LTBP1: variants seen among roughly 807,000 people sequenced by gnomAD.
LTBP1 encodes latent transforming growth factor beta binding protein 1.
Under a neutral mutation model 207.6 loss-of-function variants are expected in LTBP1, and 129 were observed. The observed-to-expected ratio is 0.62, with a 90% CI of 0.54 to 0.72. The LOEUF is 0.72. Ranked by LOEUF, LTBP1 falls within the 30% of genes least tolerant of loss-of-function variation. The pLI, the probability that LTBP1 is intolerant of heterozygous loss-of-function variation, is 0.00. For synonymous variants in LTBP1, 963 were observed against 833.7 expected, an observed-to-expected ratio of 1.16 and a Z score of -2.67; for missense variants, 2,281 against 2,217.2, an observed-to-expected ratio of 1.03 and a Z score of -0.58.
intron 7 of LTBP1, among the ~76,000 whole-genome samples, chr2:33,191,141 C>G (rs2087824424): frequency 6.6e-6 from 1 of 152,048 alleles, no homozygotes; most frequent in Non-Finnish European, 1.5e-5. Flanking sequence ...ACCTTTCTCC[C>G]CGTTTCCAAG....
chr2:33,281,425 T>C (rs2148576901), intron 19 of LTBP1, among the ~76,000 whole-genome samples: 1 of 152,288 alleles, frequency 6.6e-6, no homozygotes, highest in East Asian at 1.9e-4. Context: ...AAGGCCAGTG[T>C]AGCTGAAGGC....
chr2:33,342,559 C>T (rs1015065936), intron 24 of LTBP1, among the ~76,000 whole-genome samples: 1 of 152,184 alleles, frequency 6.6e-6, no homozygotes, highest in African/African-American at 2.4e-5. Context: ...TAATACTGGG[C>T]GTGGCACTTG....
chr2:33,280,113 G>A lies in LTBP1; in HGVS notation c.3067G>A (p.Val1023Ile), dbSNP rs150228403. ...CVNSPGSYQC[V>I]PCTEGFRGWN... ...GAATTCTCCTGGATCTTACCAGTGC[G>A]TTCCCTGCACAGAAGGATTCCGAGG... The change falls in exon 19 of 34, where the codon GTT (valine) becomes ATT (isoleucine). Residue 1023 changes from valine to isoleucine, a missense_variant. Val to Ile is a conservative substitution (Grantham distance 29). This residue lies in a region of LTBP1 where 1,671 missense variants were observed against 1,634.8 expected (regional missense o/e 1.02). Transcript: ENST00000404816. The A allele has an allele frequency of 3.5e-4, 565 of 1,613,978 alleles. 1 individual carries two copies. The highest frequency in any genetic ancestry group is 3.3e-4 in the East Asian group (15 of 44,874).
intron 3 of LTBP1, among the ~76,000 whole-genome samples, chr2:33,053,771 C>G (rs112330139): frequency 0.097 from 14,776 of 152,264 alleles, 961 homozygotes; most frequent in Non-Finnish European, 0.14. Flanking sequence ...GTAGGCAAAG[C>G]AGGGCCTTCG....
In LTBP1 at chr2:33,082,431, A is replaced by AATTTTTTTTTTTTTTTTT. The variant is rs2078468929; in HGVS notation, c.864-28151_864-28150insATTTTTTTTTTTTTTTTT. ...GTTAACCGTGGCTAAAGTATGACTC[A>AATTTTTTTTTTTTTTTTT]CTTTTTTTTTTTTTTTTTTTTTTTT... On this transcript the variant is annotated intron_variant, in intron 3 of 33. Coordinates refer to ENST00000404816, the MANE Select transcript of LTBP1 (RefSeq NM_206943.4). Among the ~76,000 whole-genome samples the AATTTTTTTTTTTTTTTTT allele has an allele frequency of 7.8e-5, 9 of 116,044 alleles. 4 individuals carry two copies. The allele number at this position is 116,044 out of a possible 152,430, so 76.1% of individuals were successfully genotyped here.
chr2:33,086,714 TATCTC>T (rs1261539174), intron 3 of LTBP1, among the ~76,000 whole-genome samples: 1 of 152,184 alleles, frequency 6.6e-6, no homozygotes, highest in Non-Finnish European at 1.5e-5. Flanking sequence ...ATACAATTGT[TATCTC>T]TACTGGCTTT....
intron 10 of LTBP1, among the ~76,000 whole-genome samples, chr2:33,247,214 G>A (rs938965611): frequency 1.3e-5 from 2 of 152,186 alleles, no homozygotes; most frequent in Admixed American, 6.5e-5. Context: ...AACTTCTGCC[G>A]TAGTCCTGGA....
At chr2:33,050,137 T>G (rs1234276385) in intron 3 of LTBP1, among the ~76,000 whole-genome samples, 2 of 140,090 alleles carry the variant, frequency 1.4e-5, no homozygotes, top group Non-Finnish European at 3.0e-5. Flanking sequence ...AGCATTTTTT[T>G]TTTTTTCTTT....
At chr2:33,281,825 C>T (rs1457001098) in intron 19 of LTBP1, among the ~76,000 whole-genome samples, 1 of 152,020 alleles carries the variant, frequency 6.6e-6, no homozygotes, top group Non-Finnish European at 1.5e-5. Flanking sequence ...TCAGTTTTCC[C>T]ATTTGGCATA....
intron 3 of LTBP1, among the ~76,000 whole-genome samples, chr2:33,051,873 C>G (rs2076763953): frequency 6.6e-6 from 1 of 152,176 alleles, no homozygotes; most frequent in South Asian, 2.1e-4. Flanking sequence ...AATGTAGAAC[C>G]CAAAGACATA....
intron 5 of LTBP1, among the ~76,000 whole-genome samples, chr2:33,175,861 T>C (rs894565305): frequency 6.8e-6 from 1 of 146,212 alleles, no homozygotes; most frequent in South Asian, 2.2e-4. Context: ...TGTAGGGACA[T>C]GGATGAAATT....
intron 7 of LTBP1, among the ~76,000 whole-genome samples, chr2:33,213,623 C>A (rs2090471769): frequency 6.6e-6 from 1 of 152,176 alleles, no homozygotes; most frequent in Non-Finnish European, 1.5e-5. Flanking sequence ...CTATGGTGTT[C>A]AGTGGTCTCT....
intron 31 of LTBP1, 150 bp downstream of exon 31, chr2:33,365,653 G>T: frequency 4.3e-6 from 3 of 698,602 alleles, no homozygotes; most frequent in Non-Finnish European, 6.8e-6. Context: ...GTGTGTGTAG[G>T]GCAGAACTGC....
intron 9 of LTBP1, among the ~76,000 whole-genome samples, chr2:33,227,792 A>G (rs973246861): frequency 6.9e-6 from 1 of 145,954 alleles, no homozygotes; most frequent in Non-Finnish European, 1.5e-5. Flanking sequence ...TGATGAGATA[A>G]GAAGCTCTTT....
At chr2:33,042,115 A>G (rs2076216621) in intron 3 of LTBP1, among the ~76,000 whole-genome samples, 1 of 152,092 alleles carries the variant, frequency 6.6e-6, no homozygotes, top group Non-Finnish European at 1.5e-5. Flanking sequence ...CATGCTTTTG[A>G]GTATCTTTGC....
chr2:33,199,154 G>A (rs2088913288), intron 7 of LTBP1, among the ~76,000 whole-genome samples: 1 of 151,984 alleles, frequency 6.6e-6, no homozygotes, highest in Non-Finnish European at 1.5e-5. Flanking sequence ...ATTTCGTTAT[G>A]TACCCAGTAG....
At chr2:33,278,675 C>A (rs2093496484) in intron 18 of LTBP1, among the ~76,000 whole-genome samples, 1 of 152,032 alleles carries the variant, frequency 6.6e-6, no homozygotes, top group Non-Finnish European at 1.5e-5. Flanking sequence ...ATTGGGCTAG[C>A]CTGTCTCGAT....
At position 33,110,723 on chromosome 2, in the gene LTBP1, G is replaced by T; in HGVS notation, c.1005G>T (p.Val335=). ...STEGSFPLRY[V]QDQVAAPFQL... Reference sequence around the variant, plus strand: ...AAGGTTCTTTCCCTTTAAGATATGTGCAGGATCAAGTTGCGGCACCTTTTC... The same window carrying T: ...AAGGTTCTTTCCCTTTAAGATATGTTCAGGATCAAGTTGCGGCACCTTTTC... Residue 335 remains valine (V), a synonymous_variant, in exon 4 of 34, where the codon GTG becomes GTT. Transcript: ENST00000404816. 6.2e-7 allele frequency: 1 copy of T among 1,614,118 alleles called. No individual in the cohort carries two copies. The highest frequency in any genetic ancestry group is 1.6e-4 in the Middle Eastern group (1 of 6,062).
intron 22 of LTBP1, among the ~76,000 whole-genome samples, chr2:33,307,892 A>G (rs1233845047): frequency 6.6e-6 from 1 of 152,206 alleles, no homozygotes; most frequent in Non-Finnish European, 1.5e-5. Flanking sequence ...TGAATAGTAC[A>G]GAAGCCTGTT....
Sources: gnomAD v4.1 joint callset for allele counts (sites outside exome capture counted in the v4.1 genomes callset) on GRCh38, gnomAD v4.1.1 for gene constraint, gnomAD v4.1.1 regional missense constraint, MANE v1.5 for transcripts, NCBI Gene and HGNC (gene_info 2026-07-23, HGNC 2026-07-21) for gene names.